The following VGLL4 variants were observed in gnomAD, a reference collection of about 807,000 sequenced individuals.
The protein encoded by VGLL4 is vestigial like family member 4, also known as transcription cofactor vestigial-like protein 4.
Under a neutral mutation model 21.0 loss-of-function variants are expected in VGLL4, and 7 were observed. The ratio of observed to expected loss-of-function variants is 0.33; its 90% CI spans 0.19 to 0.63. The LOEUF (loss-of-function observed/expected upper bound fraction) is 0.63, where lower values mean the gene tolerates loss of function less well. Among genes scored for constraint, VGLL4 ranks in the 20% least tolerant of loss-of-function variants. The pLI is 0.78. For missense variants in VGLL4, 394 were observed against 425.7 expected (o/e 0.93, Z 0.66); for synonymous variants, 222 against 173.2 (o/e 1.28, Z -2.21).
At chr3:11,659,321 T>A (rs2076001389) in intron 2 of VGLL4, among the ~76,000 whole-genome samples, 1 of 108,094 alleles carries the variant, frequency 9.3e-6, no homozygotes, top group Non-Finnish European at 1.8e-5. Flanking sequence ...TTTCTTTTTC[T>A]TTTTCTTTTT....
At chr3:11,608,578 G>A (rs969393036) in intron 1 of VGLL4, among the ~76,000 whole-genome samples, 1 of 152,182 alleles carries the variant, frequency 6.6e-6, no homozygotes, top group African/African-American at 2.4e-5. Flanking sequence ...ATATGATTTT[G>A]ACAAAATATC....
chr3:11,667,842 CTTTTTTTTTTTTTTT>C (rs746416276), intron 2 of VGLL4, among the ~76,000 whole-genome samples: 7 of 69,334 alleles, frequency 1.0e-4, no homozygotes, highest in African/African-American at 3.0e-4. Context: ...CTATCTTCTT[CTTTTTTTTTTTTTTT>C]TTTTTTTTTT....
At chr3:11,589,606 T>C (rs2074437320) in intron 2 of VGLL4, among the ~76,000 whole-genome samples, 2 of 152,254 alleles carry the variant, frequency 1.3e-5, no homozygotes, top group South Asian at 2.1e-4. Context: ...GGATGAAGGA[T>C]TCTGTCTTAG....
chr3:11,654,511 C>G (rs2075927288), intron 2 of VGLL4, among the ~76,000 whole-genome samples: 1 of 152,184 alleles, frequency 6.6e-6, no homozygotes, highest in African/African-American at 2.4e-5. Context: ...TTAGAGTCCA[C>G]AATTCCTGTT....
At chr3:11,667,674 TC>T (rs1365238180) in intron 2 of VGLL4, among the ~76,000 whole-genome samples, 1 of 151,992 alleles carries the variant, frequency 6.6e-6, no homozygotes, top group Non-Finnish European at 1.5e-5. Context: ...CGACCAAACA[TC>T]AAAGCCATCT....
intron 2 of VGLL4, among the ~76,000 whole-genome samples, chr3:11,589,298 T>A (rs1266552464): frequency 6.6e-6 from 1 of 151,948 alleles, no homozygotes; most frequent in Non-Finnish European, 1.5e-5. Context: ...GAGGTAGGGA[T>A]GGAAGATAAG....
At chr3:11,657,205 C>T (rs1451717652) in intron 2 of VGLL4, among the ~76,000 whole-genome samples, 1 of 152,136 alleles carries the variant, frequency 6.6e-6, no homozygotes, top group East Asian at 1.9e-4. Flanking sequence ...TCTGCCCGAG[C>T]CCTAAAATCC....
intron 1 of VGLL4, among the ~76,000 whole-genome samples, chr3:11,617,878 G>A (rs924715181): frequency 6.6e-6 from 1 of 152,160 alleles, no homozygotes; most frequent in Non-Finnish European, 1.5e-5. Flanking sequence ...TCACTGTCAG[G>A]TGACGTTTTT....
chr3:11,660,291 A>G (rs2076020589), intron 2 of VGLL4, among the ~76,000 whole-genome samples: 1 of 152,166 alleles, frequency 6.6e-6, no homozygotes, highest in Non-Finnish European at 1.5e-5. Flanking sequence ...CTACTTCTGC[A>G]TCTTTGAAAA....
chr3:11,612,935 G>A (rs1351600341), intron 1 of VGLL4, among the ~76,000 whole-genome samples: 3 of 152,184 alleles, frequency 2.0e-5, no homozygotes, highest in Non-Finnish European at 2.9e-5. Context: ...TACTGTTAAT[G>A]AGGAGGAGGA....
chr3:11,709,442 A>C (rs1193142835), intron 1 of VGLL4, among the ~76,000 whole-genome samples: 16 of 99,096 alleles, frequency 1.6e-4, no homozygotes, highest in South Asian at 1.2e-3. Flanking sequence ...GTCTAAAAAA[A>C]AAAAAAAAAA....
At chr3:11,624,470 C>T (rs1559907119) in intron 1 of VGLL4, among the ~76,000 whole-genome samples, 1 of 152,146 alleles carries the variant, frequency 6.6e-6, no homozygotes, top group African/African-American at 2.4e-5. Context: ...TGAAACAGCT[C>T]AAGACCAGCT....
intron 2 of VGLL4, among the ~76,000 whole-genome samples, chr3:11,569,888 A>AT (rs2073707331): frequency 6.6e-6 from 1 of 152,202 alleles, no homozygotes; most frequent in Admixed American, 6.5e-5. Context: ...CTTTAAATAA[A>AT]TAAGATTGCT....
intron 1 of VGLL4, among the ~76,000 whole-genome samples, chr3:11,605,047 C>CCCCCCCA (rs2074900257): frequency 9.9e-6 from 1 of 100,964 alleles, no homozygotes. Flanking sequence ...CCGCCACGCC[C>CCCCCCCA]CCGCCCACCC....
intron 2 of VGLL4, among the ~76,000 whole-genome samples, chr3:11,595,016 C>G (rs751680352): frequency 7.2e-5 from 11 of 152,142 alleles, no homozygotes; most frequent in African/African-American, 2.7e-4. Context: ...ACAAAATTAG[C>G]CGGGCATGGT....
Position 11,568,697 on chromosome 3 carries a change from C to T in VGLL4, c.273-3678G>A, listed in dbSNP as rs1320964043. Reference sequence around the variant, plus strand: ...CGGATGAATCACCTCCCGGCCACTGCTTCCCAGGCGTCATGTGCTCCCGGG... The same window carrying T: ...CGGATGAATCACCTCCCGGCCACTGTTTCCCAGGCGTCATGTGCTCCCGGG... On this transcript the variant is annotated intron_variant, in intron 2 of 4. Coordinates refer to ENST00000430365, the MANE Select transcript of VGLL4 (RefSeq NM_001128219.3). This position sits in a 1 kb window ranked among gnomAD's most constrained non-coding sequence, Gnocchi z 5.9. 4 of 1,550,492 alleles carry T rather than the reference C, an allele frequency of 2.6e-6. No individual in the cohort carries two copies. Among genetic ancestry groups the T allele is most frequent in the Non-Finnish European group, 3.5e-6 (4 of 1,146,648 alleles).
intron 1 of VGLL4, among the ~76,000 whole-genome samples, chr3:11,621,235 T>A (rs1217311581): frequency 2.6e-5 from 4 of 152,242 alleles, no homozygotes; most frequent in Non-Finnish European, 5.9e-5. Flanking sequence ...AATGTGTTTA[T>A]AATTGTGGGG....
chr3:11,616,542 C>A (rs1470630530), intron 1 of VGLL4, among the ~76,000 whole-genome samples: 1 of 152,214 alleles, frequency 6.6e-6, no homozygotes, highest in African/African-American at 2.4e-5. Context: ...CCCATGCTCT[C>A]TTATTGAGAC....
At chr3:11,720,515 C>T (rs934612324) in exon 1 of VGLL4, 4 of 152,338 alleles carry the variant, frequency 2.6e-5, no homozygotes, top group African/African-American at 7.2e-5. Context: ...GCATGTTGCA[C>T]TCCAGCGCTG....
Sources: allele counts gnomAD v4.1 joint callset (sites outside exome capture counted in the v4.1 genomes callset), GRCh38; gene constraint gnomAD v4.1.1; non-coding constraint Gnocchi (gnomAD v3.1); transcripts MANE v1.5; gene names NCBI Gene and HGNC (gene_info 2026-07-23, HGNC 2026-07-21).